IGSF3: variants seen among roughly 807,000 people sequenced by gnomAD.
IGSF3 encodes glu-Trp-Ile EWI motif-containing protein 3.
Under a neutral mutation model 114.4 loss-of-function variants are expected in IGSF3, and 23 were observed. That is an observed-to-expected ratio of 0.20 (90% CI 0.14 to 0.28). The LOEUF (loss-of-function observed/expected upper bound fraction) is 0.28. Ranked by LOEUF, IGSF3 falls within the 10% of genes least tolerant of loss-of-function variation. IGSF3 has a pLI of 1.00. For synonymous variants in IGSF3, 571 were observed against 645.2 expected (o/e 0.88, Z 1.74); for missense variants, 1,172 against 1,591.5 (o/e 0.74, Z 4.48).
chr1:116,601,576 TA>T (rs1312868968), intron 6 of IGSF3, among the ~76,000 whole-genome samples: 1 of 152,126 alleles, frequency 6.6e-6, no homozygotes, highest in African/African-American at 2.4e-5. Flanking sequence ...AATAGAAATT[TA>T]AAAAAAGTAC....
intron 2 of IGSF3, among the ~76,000 whole-genome samples, chr1:116,637,661 C>T (rs1157973625): frequency 2.6e-5 from 4 of 152,210 alleles, no homozygotes; most frequent in Non-Finnish European, 4.4e-5. Flanking sequence ...ATCCTTCCCA[C>T]GGCCTCCCCC....
At chr1:116,639,171 C>T (rs1647968173) in intron 2 of IGSF3, among the ~76,000 whole-genome samples, 1 of 152,098 alleles carries the variant, frequency 6.6e-6, no homozygotes, top group African/African-American at 2.4e-5. Context: ...AGTCAGGGCA[C>T]GTGCAAAGCC....
chr1:116,588,858 T>C lies in IGSF3; in HGVS notation c.2276A>G (p.His759Arg). 1 of 1,614,168 alleles carries C rather than the reference T, an allele frequency of 6.2e-7. No individual in the cohort carries two copies. The highest frequency in any genetic ancestry group is 8.5e-7 in the Non-Finnish European group (1 of 1,180,022). The change falls in exon 8 of 11, where the codon CAT becomes CGT. Residue 759 changes from histidine to arginine, a missense_variant. Physicochemically the swap from His to Arg is conservative, Grantham distance 29. Coordinates refer to ENST00000369486, the MANE Select transcript of IGSF3 (RefSeq NM_001007237.3). The surrounding 1 kb of genome is among the most constrained non-coding windows in gnomAD (Gnocchi z 4.9). ...GLRARLQFER[H>R]VSGGLFSLTV... Reference sequence around the variant, plus strand: ...GAGGCTGAACAGGCCCCCCGACACATGCCTCTCAAACTGGAGCCTGGCTCT... The same window carrying C: ...GAGGCTGAACAGGCCCCCCGACACACGCCTCTCAAACTGGAGCCTGGCTCT...
intron 2 of IGSF3, among the ~76,000 whole-genome samples, chr1:116,641,198 A>G (rs543017259): frequency 3.9e-5 from 6 of 152,204 alleles, no homozygotes; most frequent in Non-Finnish European, 8.8e-5. Flanking sequence ...ACTTTTCACA[A>G]TAGAAAATTA....
rs1295549898 is a variant in IGSF3, at chr1:116,625,323, T to C, written c.44-8866A>G. Among the ~76,000 whole-genome samples, 28 of 152,198 alleles carry C rather than the reference T, an allele frequency of 1.8e-4. No homozygotes were observed. The highest frequency in any genetic ancestry group is 1.6e-4 in the Non-Finnish European group (11 of 68,030). On this transcript the variant is annotated intron_variant, in intron 2 of 10. Transcript: ENST00000369486. The surrounding 1 kb of genome is among the most constrained non-coding windows in gnomAD (Gnocchi z 4.7). Reference sequence around the variant, plus strand: ...TAAGCCCTTTCAGAAAGTGAAAGCATTCAAAAAGCCTTCAAAAAAGCAGTG... The same window carrying C: ...TAAGCCCTTTCAGAAAGTGAAAGCACTCAAAAAGCCTTCAAAAAAGCAGTG...
At position 116,638,132 on chromosome 1, in the gene IGSF3, C is replaced by G. The variant is rs1335060283; in HGVS notation, c.44-21675G>C. On this transcript the variant is annotated intron_variant, in intron 2 of 10. Transcript: ENST00000369486. This position sits in a 1 kb window ranked among gnomAD's most constrained non-coding sequence, Gnocchi z 4.1. ...ACCAAAAATGTGTTATTCCAGCTAC[C>G]CTCACTCTTTTTGTGGTTTCCTGCA... Among the ~76,000 whole-genome samples, 2 of 152,070 alleles carry G rather than the reference C, an allele frequency of 1.3e-5. No individual in the cohort carries two copies. Among genetic ancestry groups the G allele is most frequent in the South Asian group, 2.1e-4 (1 of 4,818 alleles).
rs1659983932 is a variant in IGSF3, at chr1:116,589,205, G to A, written c.2030-101C>T. ...CAGGTTTCCTCCAGCACAGTTCCTG[G>A]GGGATTTAACACCGACTGGCTTCAG... On this transcript the variant is annotated intron_variant, in intron 7 of 10. Coordinates refer to ENST00000369486, the MANE Select transcript of IGSF3 (RefSeq NM_001007237.3). This position sits in a 1 kb window ranked among gnomAD's most constrained non-coding sequence, Gnocchi z 5.7. The A allele has an allele frequency of 4.7e-6, 5 of 1,072,590 alleles. No homozygotes were observed. The East Asian group carries it at 9.6e-5, about 21-fold the overall frequency. The allele number at this position is 1,072,590 out of a possible 1,614,324, so 66.4% of individuals were successfully genotyped here. A position where few individuals can be genotyped will look rare whatever the true frequency, so the allele number is the denominator to read the frequency against.
Position 116,666,526 on chromosome 1 carries a change from ACT to A in IGSF3, c.-202_-201del, listed in dbSNP as rs1649341356. The A allele has an allele frequency of 4.2e-5, 26 of 619,480 alleles. No individual in the cohort carries two copies. In the South Asian group the frequency reaches 4.5e-4, roughly 11 times the overall value. The allele number at this position is 619,480 out of a possible 1,614,324, so 38.4% of individuals were successfully genotyped here. A position where few individuals can be genotyped will look rare whatever the true frequency, so the allele number is the denominator to read the frequency against. On this transcript the variant is annotated 5_prime_UTR_variant, in exon 2 of 11. Coordinates refer to ENST00000369486, the MANE Select transcript of IGSF3 (RefSeq NM_001007237.3). ...GGGAGGAGTGGAGGCAAGTGTGAAA[ACT>A]CCCCTATGCTACAGGAAGGGTCCAC...
In IGSF3 at chr1:116,579,265, A is replaced by G; in HGVS notation, c.3334+127T>C. 8.0e-7 allele frequency: 1 copy of G among 1,256,660 alleles called. No individual in the cohort carries two copies. Among genetic ancestry groups the G allele is most frequent in the South Asian group, 1.6e-5 (1 of 63,634 alleles). The allele number at this position is 1,256,660 out of a possible 1,614,324, so 77.8% of individuals were successfully genotyped here. ...TATGTCCAATCCCACCATATCTCAA[A>G]TCCTACTAATAAATGCCCATGACAG... On this transcript the variant is annotated intron_variant, in intron 10 of 10. Transcript: ENST00000369486. This position sits in a 1 kb window ranked among gnomAD's most constrained non-coding sequence, Gnocchi z 6.4.
chr1:116,617,216 C>G (rs1222147472), intron 2 of IGSF3: 1 of 870,906 alleles, frequency 1.1e-6, no homozygotes, highest in African/African-American at 1.8e-5. Flanking sequence ...CCACTCAAGA[C>G]TCCCCCGCTG....
At position 116,629,438 on chromosome 1, in the gene IGSF3, A is replaced by G. The variant is rs1285525968; in HGVS notation, c.44-12981T>C. On this transcript the variant is annotated intron_variant, in intron 2 of 10. Coordinates refer to ENST00000369486, the MANE Select transcript of IGSF3 (RefSeq NM_001007237.3). The surrounding 1 kb of genome is among the most constrained non-coding windows in gnomAD (Gnocchi z 4.3). ...ATAGTCTGAATGAATTAGCTTCATA[A>G]TTAGGACCAACAGTCATAAGCAATT... is the stretch of plus-strand genomic sequence containing the variant. Among the ~76,000 whole-genome samples, 10 of 152,204 alleles carry G rather than the reference A, an allele frequency of 6.6e-5. No individual in the cohort carries two copies. Among genetic ancestry groups the G allele is most frequent in the Non-Finnish European group, 1.5e-5 (1 of 68,040 alleles).
intron 2 of IGSF3, among the ~76,000 whole-genome samples, chr1:116,630,618 T>C (rs917518774): frequency 2.6e-5 from 4 of 152,210 alleles, no homozygotes; most frequent in Non-Finnish European, 5.9e-5. Flanking sequence ...TCCTCTTTGC[T>C]GGACACTGTA....
chr1:116,616,457 C>A lies in IGSF3; in HGVS notation c.44G>T (p.Gly15Val). 2 of 1,585,696 alleles carry A rather than the reference C, an allele frequency of 1.3e-6. No individual in the cohort carries two copies. The highest frequency in any genetic ancestry group is 1.7e-6 in the Non-Finnish European group (2 of 1,160,918). ...FPVLSCLAVL[G>V]VVSAQRQVTV... ...GACCTGCCGCTGTGCTGACACCACA[C>A]CTACGAGGGAGAGAAACACACACAA... The change falls in exon 3 of 11, where the codon GGT (glycine) becomes GTT (valine). Residue 15 changes from glycine (G) to valine (V), a missense_variant and splice_region_variant. Coordinates refer to ENST00000369486, the MANE Select transcript of IGSF3 (RefSeq NM_001007237.3). The surrounding 1 kb of genome is among the most constrained non-coding windows in gnomAD (Gnocchi z 6.6).
intron 7 of IGSF3, among the ~76,000 whole-genome samples, chr1:116,597,246 G>A (rs1660381236): frequency 6.6e-6 from 1 of 152,166 alleles, no homozygotes; most frequent in South Asian, 2.1e-4. Flanking sequence ...GATTAAGTGA[G>A]GTAATATACA....
rs1659790434 is a variant in IGSF3 at position 116,585,334 on chromosome 1, G to A, written c.2441-282C>T. Among the ~76,000 whole-genome samples, 1 of 152,170 alleles carries A rather than the reference G, an allele frequency of 6.6e-6. No homozygotes were observed. Among genetic ancestry groups the A allele is most frequent in the African/African-American group, 2.4e-5 (1 of 41,440 alleles). ...GCTCACAGGAGGACAAGCACAAGCT[G>A]TAGAGACTGCACATCCAAATGACAA... On this transcript the variant is annotated intron_variant, in intron 8 of 10. Transcript: ENST00000369486. This position sits in a 1 kb window ranked among gnomAD's most constrained non-coding sequence, Gnocchi z 4.9.
Position 116,595,075 on chromosome 1 carries a change from G to A in IGSF3, c.2029+4866C>T, listed in dbSNP as rs1415648795. Among the ~76,000 whole-genome samples, 1 of 152,118 alleles carries A rather than the reference G, an allele frequency of 6.6e-6. No individual in the cohort carries two copies. The highest frequency in any genetic ancestry group is 1.9e-4 in the East Asian group (1 of 5,180). On this transcript the variant is annotated intron_variant, in intron 7 of 10. Transcript: ENST00000369486. The surrounding 1 kb of genome is among the most constrained non-coding windows in gnomAD (Gnocchi z 4.2). ...CATGGCAACCTGGCACTTAGTAGGT[G>A]CTCAATGCATGCAGAGAGACAGGGA...
rs1233361977 is a variant in IGSF3 at position 116,612,778 on chromosome 1, G to A, written c.832+987C>T. 6.6e-6 allele frequency among the ~76,000 whole-genome samples: 1 copy of A among 152,220 alleles called. No individual in the cohort carries two copies. The highest frequency in any genetic ancestry group is 2.4e-5 in the African/African-American group (1 of 41,450). ...GCCACTCATCGCCAACTTAGTGATG[G>A]CACAACAACCATGCTCCAACCAAAG... On this transcript the variant is annotated intron_variant, in intron 4 of 10. Transcript: ENST00000369486. This position sits in a 1 kb window ranked among gnomAD's most constrained non-coding sequence, Gnocchi z 4.1.
Position 116,647,180 on chromosome 1 carries a change from C to T in IGSF3, c.43+19104G>A, listed in dbSNP as rs1333732765. Among the ~76,000 whole-genome samples the T allele has an allele frequency of 2.6e-5, 4 of 152,198 alleles. No individual in the cohort carries two copies. Among genetic ancestry groups the T allele is most frequent in the African/African-American group, 9.7e-5 (4 of 41,448 alleles). On this transcript the variant is annotated intron_variant, in intron 2 of 10. Transcript: ENST00000369486. This position sits in a 1 kb window ranked among gnomAD's most constrained non-coding sequence, Gnocchi z 4.6. ...GTCAGGAGAGACCCAGGCAGCGATG[C>T]CCAAATGACCGGCTGAGGAATCACC...
Position 116,596,444 on chromosome 1 carries a change from G to C in IGSF3, c.2029+3497C>G, listed in dbSNP as rs539400367. The stretch of plus-strand genomic sequence containing the variant: ...GGAGCTCTGGTATCCGCAAGTCTTA[G>C]AGCCACCTTGTGGCAGAAGCTGGAA... On this transcript the variant is annotated intron_variant, in intron 7 of 10. Transcript: ENST00000369486. This position sits in a 1 kb window ranked among gnomAD's most constrained non-coding sequence, Gnocchi z 4.1. 3.3e-5 allele frequency among the ~76,000 whole-genome samples: 5 copies of C among 152,306 alleles called. No individual in the cohort carries two copies. Among genetic ancestry groups the C allele is most frequent in the African/African-American group, 1.2e-4 (5 of 41,542 alleles).
Sources: allele counts gnomAD v4.1 joint callset (sites outside exome capture counted in the v4.1 genomes callset), GRCh38; gene constraint gnomAD v4.1.1; non-coding constraint Gnocchi (gnomAD v3.1); transcripts MANE v1.5; gene names NCBI Gene and HGNC (gene_info 2026-07-23, HGNC 2026-07-21).